HM13: variants seen among roughly 807,000 people sequenced by gnomAD.
HM13 encodes the protein histocompatibility minor 13, also known as signal peptide peptidase.
In HM13, 18 loss-of-function variants were observed where a neutral mutation model predicts 50.0. The ratio of observed to expected loss-of-function variants is 0.36; its 90% CI spans 0.25 to 0.53. The LOEUF is 0.53. HM13 is among the 20% of genes least tolerant of loss of function. The probability of loss-of-function intolerance (pLI) is 0.90; values close to 1 mark genes in which losing one functional copy is unlikely to be tolerated. For missense variants in HM13, 393 were observed against 552.4 expected, an observed-to-expected ratio of 0.71 and a Z score of 2.89; for synonymous variants, 197 against 232.6, an observed-to-expected ratio of 0.85 and a Z score of 1.39.
At chr20:31,565,179 AAAG>A (rs1984836609) in intron 10 of HM13, among the ~76,000 whole-genome samples, 2 of 149,674 alleles carry the variant, frequency 1.3e-5, no homozygotes, top group Admixed American at 6.6e-5. Flanking sequence ...AAAAAAAAAA[AAAG>A]AAAGAAACTC....
intron 1 of HM13, among the ~76,000 whole-genome samples, chr20:31,518,406 G>A (rs909707537): frequency 1.3e-5 from 2 of 150,182 alleles, no homozygotes; most frequent in Non-Finnish European, 3.0e-5. Context: ...GCACTTTTGG[G>A]AGGCCGAGGC....
intron 4 of HM13, among the ~76,000 whole-genome samples, chr20:31,545,976 C>T (rs1045090851): frequency 1.3e-5 from 2 of 151,032 alleles, no homozygotes; most frequent in South Asian, 2.1e-4. Flanking sequence ...GAATTACAGG[C>T]GTGAGTGAGC....
chr20:31,566,375 T>C (rs1202385547), intron 11 of HM13, 80 bp downstream of exon 11: 4 of 1,112,598 alleles, frequency 3.6e-6, no homozygotes, highest in Non-Finnish European at 4.1e-6. Context: ...TGGGGGTATC[T>C]TTACACCTCT....
chr20:31,555,195 C>A (rs574913551), intron 8 of HM13, among the ~76,000 whole-genome samples: 1 of 152,300 alleles, frequency 6.6e-6, no homozygotes, highest in Non-Finnish European at 1.5e-5. Flanking sequence ...TCACACACAC[C>A]CACACATACA....
At chr20:31,567,179 C>T (rs893773804) in intron 11 of HM13, among the ~76,000 whole-genome samples, 2 of 152,200 alleles carry the variant, frequency 1.3e-5, no homozygotes, top group Admixed American at 1.3e-4. Flanking sequence ...GCTCTGTGGT[C>T]TGAGGCAAGT....
chr20:31,566,327 G>T, intron 11 of HM13, 32 bp downstream of exon 11: 1 of 1,559,344 alleles, frequency 6.4e-7, no homozygotes, highest in Non-Finnish European at 8.8e-7. Context: ...ATGTCCTCAT[G>T]GGCACCAGTG....
At chr20:31,564,248 A>T (rs1984769668) in intron 10 of HM13, among the ~76,000 whole-genome samples, 1 of 151,758 alleles carries the variant, frequency 6.6e-6, no homozygotes, top group Non-Finnish European at 1.5e-5. Flanking sequence ...GCCCGCCCTC[A>T]CTGAACTCAC....
intron 7 of HM13, among the ~76,000 whole-genome samples, chr20:31,553,649 G>A (rs1984147846): frequency 6.6e-6 from 1 of 151,926 alleles, no homozygotes; most frequent in Non-Finnish European, 1.5e-5. Context: ...TCTTCTGCTT[G>A]CAAGGCCCTA....
chr20:31,523,268 CTTT>C (rs376290504), intron 1 of HM13, among the ~76,000 whole-genome samples: 1 of 137,276 alleles, frequency 7.3e-6, no homozygotes. Flanking sequence ...CCAGGCTGGT[CTTT>C]TTTTTTTTTT....
At chr20:31,550,024 C>T (rs770752486) in intron 6 of HM13, 40 bp from the exon 7 acceptor site, 2 of 1,499,690 alleles carry the variant, frequency 1.3e-6, no homozygotes, top group Non-Finnish European at 1.9e-6. Context: ...CCCCACAGCC[C>T]CTCACTTCCC....
At chr20:31,559,745 C>G in intron 9 of HM13, 98 bp downstream of exon 9, 1 of 1,104,658 alleles carries the variant, frequency 9.1e-7, no homozygotes, top group Non-Finnish European at 1.4e-6. Flanking sequence ...CCAGACCCTC[C>G]ACCCCCACAG....
At chr20:31,549,822 G>C (rs896794153) in intron 6 of HM13, among the ~76,000 whole-genome samples, 1 of 152,168 alleles carries the variant, frequency 6.6e-6, no homozygotes, top group Non-Finnish European at 1.5e-5. Context: ...ACAGAACTGT[G>C]AACAAACATA....
intron 3 of HM13, chr20:31,540,465 C>G (rs1983380690): frequency 6.6e-6 from 1 of 152,214 alleles, no homozygotes; most frequent in Non-Finnish European, 1.5e-5. Flanking sequence ...AGCCCAGCCT[C>G]CACCTCAGAG....
At chr20:31,540,583 T>G (rs1411214248) in intron 3 of HM13, 2 of 152,238 alleles carry the variant, frequency 1.3e-5, no homozygotes, top group African/African-American at 4.8e-5. Flanking sequence ...CCCAGCTGCC[T>G]AGGCAGGGTA....
At chr20:31,526,311 A>C (rs552170284) in intron 1 of HM13, among the ~76,000 whole-genome samples, 1 of 151,994 alleles carries the variant, frequency 6.6e-6, no homozygotes, top group African/African-American at 2.4e-5. Flanking sequence ...GGTGCCCGCC[A>C]CTGCGCCCGG....
intron 3 of HM13, among the ~76,000 whole-genome samples, chr20:31,543,654 G>A (rs775022478): frequency 5.4e-4 from 82 of 151,856 alleles, no homozygotes; most frequent in Admixed American, 1.6e-3. Context: ...TCCCTTGGCC[G>A]GGCGCGGTGG....
intron 7 of HM13, among the ~76,000 whole-genome samples, chr20:31,551,680 G>C (rs1984041685): frequency 6.6e-6 from 1 of 152,212 alleles, no homozygotes; most frequent in African/African-American, 2.4e-5. Flanking sequence ...GGGAGGGCAG[G>C]CAACAGTGAG....
chr20:31,520,252 T>C (rs1200033725), intron 1 of HM13, among the ~76,000 whole-genome samples: 3 of 152,216 alleles, frequency 2.0e-5, no homozygotes, highest in African/African-American at 7.2e-5. Context: ...TCTTGTTTAA[T>C]GGCTGTGGAG....
Position 31,569,103 on chromosome 20 carries a change from T to G in HM13, c.1182-17T>G, listed in dbSNP as rs561719239. The G allele has an allele frequency of 6.0e-5, 88 of 1,468,948 alleles. No homozygotes were observed. Among genetic ancestry groups the G allele is most frequent in the South Asian group, 1.5e-4 (11 of 74,574 alleles). The allele number at this position is 1,468,948 out of a possible 1,614,324, so 91.0% of individuals were successfully genotyped here. A position where few individuals can be genotyped will look rare whatever the true frequency, so the allele number is the denominator to read the frequency against. On this transcript the variant is annotated splice_polypyrimidine_tract_variant and intron_variant, in intron 12 of 12. Transcript: ENST00000398174. ...CTCTAAATGAATTTTTATTGTTGTT[T>G]TTTTTTTTTTGGTCAGTTATGAGGA...
Sources: allele counts gnomAD v4.1 joint callset (sites outside exome capture counted in the v4.1 genomes callset), GRCh38; gene constraint gnomAD v4.1.1; transcripts MANE v1.5; gene names NCBI Gene and HGNC (gene_info 2026-07-23, HGNC 2026-07-21).